The following DMKN variants were observed in gnomAD, a reference collection of about 807,000 sequenced individuals.
DMKN encodes dermokine.
DMKN carries 58 observed loss-of-function variants against 67.6 expected under a neutral mutation model. The observed-to-expected ratio is 0.86, with a 90% CI of 0.69 to 1.07. The LOEUF (loss-of-function observed/expected upper bound fraction) is 1.07. DMKN is among the 50% of genes least tolerant of loss of function. The pLI is 0.00. For synonymous variants in DMKN, 240 were observed against 232.3 expected, an observed-to-expected ratio of 1.03 and a Z score of -0.30; for missense variants, 596 against 601.5, an observed-to-expected ratio of 0.99 and a Z score of 0.10.
At position 35,510,573 on chromosome 19, in the gene DMKN, G is replaced by A; in HGVS notation, c.919-321C>T. The A allele has an allele frequency of 2.6e-6, 4 of 1,517,194 alleles. No homozygotes were observed. The South Asian group carries it at 4.9e-5, about 19-fold the overall frequency. 94.0% of individuals were successfully genotyped at this position (1,517,194 alleles called of 1,614,324 possible). On this transcript the variant is annotated intron_variant, in intron 5 of 15. Coordinates refer to ENST00000339686, the MANE Select transcript of DMKN (RefSeq NM_033317.5). ...ATCCTGCCACCAGGGGGCAGCAAGT[G>A]GAAGGGACCCTAGAGCCCTCACCTG...
chr19:35,502,658 T>C (rs2068619011), intron 10 of DMKN, among the ~76,000 whole-genome samples, 172 bp downstream of exon 10: 1 of 151,498 alleles, frequency 6.6e-6, no homozygotes, highest in Non-Finnish European at 1.5e-5. Flanking sequence ...TGAGCCGAGA[T>C]AGTGCCACTG....
chr19:35,500,220 C>G, intron 12 of DMKN, 191 bp from the exon 13 acceptor site: 13 of 1,219,304 alleles, frequency 1.1e-5, no homozygotes, highest in African/African-American at 1.5e-5. Context: ...CCTGCCTTTA[C>G]TGTCCTAGCC....
At chr19:35,507,364 A>G in intron 7 of DMKN, 2 of 1,296,490 alleles carry the variant, frequency 1.5e-6, no homozygotes, top group Middle Eastern at 1.8e-4. Context: ...GCAGCTTGCA[A>G]GAAGAAACTG....
Position 35,510,226 on chromosome 19 carries a change from G to A in DMKN, c.945C>T (p.Gly315=), listed in dbSNP as rs751390977. 2.9e-5 allele frequency: 46 copies of A among 1,608,252 alleles called. No individual in the cohort carries two copies. The Middle Eastern group carries it at 6.6e-4, about 23-fold the overall frequency. The change falls in exon 6 of 16, where the codon GGC becomes GGT. Residue 315 remains glycine (G), a synonymous_variant. Transcript: ENST00000339686. ...TTCCTCCGCCGCTCCCACCGTGGTT[G>A]CCGGAGGAGGAGCCGGTGCTGGATC... ...SWGSSTGSSS[G]NHGGSGGGNG...
Position 35,513,446 on chromosome 19 carries a change from G to T in DMKN, c.30C>A (p.Leu10=), listed in dbSNP as rs199781248. 8.1e-6 allele frequency: 13 copies of T among 1,601,118 alleles called. No homozygotes were observed. In the African/African-American group the frequency reaches 1.6e-4, roughly 20 times the overall value. MKFQGPLAC[L]LLALCLGSGE... ...CACTGCCCAGGCAGAGGGCCAGCAG[G>T]AGGCAGGCCAGGGGCCCCTGGAACT... The change falls in exon 1 of 16, where the codon CTC becomes CTA. Residue 10 remains leucine, a synonymous_variant. Transcript: ENST00000339686.
At position 35,500,576 on chromosome 19, in the gene DMKN, G is replaced by A. The variant is rs149828471; in HGVS notation, c.1244C>T (p.Ala415Val). The stretch of plus-strand genomic sequence containing the variant: ...ACGTTTCTGCAGTGATGACGCGTCC[G>A]CACCCTGAAAGGAAGAAGGGGCCAC... ...FLNWKAIIEG[A>V]DASSLQKRAG... Residue 415 changes from alanine (A) to valine (V), a missense_variant, in exon 12 of 16, where the codon GCG becomes GTG. Transcript: ENST00000339686. The A allele has an allele frequency of 3.7e-5, 60 of 1,607,428 alleles. No individual in the cohort carries two copies. Among genetic ancestry groups the A allele is most frequent in the Non-Finnish European group, 4.4e-5 (52 of 1,175,066 alleles).
Position 35,512,629 on chromosome 19 carries a change from T to C in DMKN, c.588A>G (p.Gly196=), listed in dbSNP as rs1006974996. ...CAAAGTTTGGTGGCCCTCCATTGCC[T>C]CCTTGACCCCAGGGAGCTCCCTGAG... is the stretch of plus-strand genomic sequence containing the variant. ...MNPQGAPWGQ[G]GNGGPPNFGT... Residue 196 remains glycine, a synonymous_variant, in exon 2 of 16, where the codon GGA becomes GGG. Coordinates refer to ENST00000339686, the MANE Select transcript of DMKN (RefSeq NM_033317.5). 1 of 1,614,116 alleles carries C rather than the reference T, an allele frequency of 6.2e-7. No homozygotes were observed.
Position 35,498,756 on chromosome 19 carries a change from C to A in DMKN, c.1391G>T (p.Arg464Leu), listed in dbSNP as rs369692635. 5.6e-6 allele frequency: 9 copies of A among 1,614,198 alleles called. No homozygotes were observed. In the African/African-American group the frequency reaches 1.1e-4, roughly 19 times the overall value. Residue 464 changes from arginine (R) to leucine (L), a missense_variant, in exon 15 of 16, where the codon CGG (arginine) becomes CTG (leucine). By Grantham distance (102) the Arg-to-Leu change is moderately radical. Transcript: ENST00000339686. ...CCACTGCAGCAGGCCAGGTTGCACC[C>A]GGGAAGCCTGCCAGAAAAAGAGAAA... ...GGVSPSSSASRVQPGLLQWVK... is the reference protein window; with the variant it reads ...GGVSPSSSASLVQPGLLQWVK...
intron 6 of DMKN, 108 bp downstream of exon 6, chr19:35,510,076 C>T: frequency 1.3e-6 from 2 of 1,565,982 alleles, no homozygotes; most frequent in Non-Finnish European, 1.7e-6. Context: ...CCTCCGCGGC[C>T]ATCCAGCCCC....
intron 7 of DMKN, chr19:35,508,192 A>C: frequency 6.4e-7 from 1 of 1,552,094 alleles, no homozygotes; most frequent in Non-Finnish European, 8.7e-7. Flanking sequence ...CCCCACATCT[A>C]CCATCCTCTT....
rs772020097 is a variant in DMKN at position 35,505,976 on chromosome 19, G to A, written c.1049C>T (p.Thr350Met). The A allele has an allele frequency of 1.5e-5, 24 of 1,614,034 alleles. No individual in the cohort carries two copies. Among genetic ancestry groups the A allele is most frequent in the Non-Finnish European group, 1.9e-5 (23 of 1,180,046 alleles). Residue 350 changes from threonine to methionine, a missense_variant, in exon 8 of 16, where the codon ACG (threonine) becomes ATG (methionine). Coordinates refer to ENST00000339686, the MANE Select transcript of DMKN (RefSeq NM_033317.5). ...GTCAAAGTTAAACATCCCAGGAGAC[G>A]TCTCAGAGTTCTATGGAACCAAGGA... ...SGESGIQNSE[T>M]SPGMFNFDTF...
At chr19:35,507,609 C>A in intron 7 of DMKN, 1 of 1,027,470 alleles carries the variant, frequency 9.7e-7, no homozygotes, top group South Asian at 1.4e-5. Context: ...ATTCCTGAAT[C>A]GGGGGACTGA....
chr19:35,507,431 G>A (rs1227404766), intron 7 of DMKN: 1 of 1,547,862 alleles, frequency 6.5e-7, no homozygotes, highest in Non-Finnish European at 8.7e-7. Flanking sequence ...TTCTCCTAAA[G>A]CCAACCCTGC....
At chr19:35,506,493 C>T in intron 7 of DMKN, 2 of 542,592 alleles carry the variant, frequency 3.7e-6, no homozygotes, top group Non-Finnish European at 7.1e-6. Flanking sequence ...AGTCCCACGG[C>T]ACGCCAAGCA....
rs201697262 is a variant in DMKN, at chr19:35,513,511, C to T, written c.-36G>A. ...CCCCCTCTCTCTCCAGAGTGTCTTC[C>T]TCCCACCAGGGTCTCCTCCTTGCCG... On this transcript the variant is annotated 5_prime_UTR_variant, in exon 1 of 16. Coordinates refer to ENST00000339686, the MANE Select transcript of DMKN (RefSeq NM_033317.5). The T allele has an allele frequency of 1.7e-4, 259 of 1,569,254 alleles. No homozygotes were observed. The African/African-American group carries it at 3.1e-3, about 19-fold the overall frequency.
At chr19:35,506,393 C>T (rs1405256736) in intron 7 of DMKN, 1 of 639,058 alleles carries the variant, frequency 1.6e-6, no homozygotes, top group Non-Finnish European at 2.8e-6. Context: ...TGGAACCCCA[C>T]CCAGTCCCCT....
chr19:35,502,923 C>G, intron 9 of DMKN, 37 bp from the exon 10 acceptor site: 2 of 1,595,896 alleles, frequency 1.3e-6, no homozygotes, highest in African/African-American at 1.3e-5. Context: ...TAGCAGAGAG[C>G]CTGGGCCCAC....
chr19:35,501,880 G>A lies in DMKN; in HGVS notation c.1239+256C>T, dbSNP rs1293123889. 6 of 1,582,828 alleles carry A rather than the reference G, an allele frequency of 3.8e-6. No homozygotes were observed. In the African/African-American group the frequency reaches 4.0e-5, roughly 11 times the overall value. On this transcript the variant is annotated intron_variant, in intron 11 of 15. Transcript: ENST00000339686. ...CCAGCAGGAGCAGGAGCAGAGCAGA[G>A]GCAGTGGCCGGCTTCATGTTCATGT... is the stretch of plus-strand genomic sequence containing the variant.
At chr19:35,497,943 T>TTC (rs58558280) in intron 15 of DMKN, 36,721 of 151,424 alleles carry the variant, frequency 0.24, 4,941 homozygotes, top group East Asian at 0.45. Context: ...CTTTCCCTCT[T>TTC]TCTCTCTCTC....
Sources: allele counts gnomAD v4.1 joint callset (sites outside exome capture counted in the v4.1 genomes callset), GRCh38; gene constraint gnomAD v4.1.1; transcripts MANE v1.5; gene names NCBI Gene and HGNC (gene_info 2026-07-23, HGNC 2026-07-21).